Variants in GDF7 observed in about 807,000 individuals in gnomAD.
GDF7 encodes growth differentiation factor 7.
In GDF7, 12 loss-of-function variants were observed where a neutral mutation model predicts 13.4. The observed-to-expected ratio is 0.90, with a 90% confidence interval of 0.57 to 1.45. The LOEUF (loss-of-function observed/expected upper bound fraction) is 1.45. GDF7 is among the 40% of genes most tolerant of loss of function. The pLI, the probability that GDF7 is intolerant of heterozygous loss-of-function variation, is 0.00. For synonymous variants in GDF7, 330 were observed against 306.4 expected (o/e 1.08, Z -0.80); for missense variants, 651 against 652.4 (o/e 1.00, Z 0.02).
chr2:20,668,126 G>A (rs1696002168), intron 1 of GDF7, among the ~76,000 whole-genome samples: 1 of 152,250 alleles, frequency 6.6e-6, no homozygotes, highest in African/African-American at 2.4e-5. Context: ...CTAGGGCAGA[G>A]GCAGGTATCA....
At position 20,667,197 on chromosome 2, in the gene GDF7, G is replaced by GCCACGGAGC. The variant is rs1695970519; in HGVS notation, c.-40_-32dup. 5 of 1,138,936 alleles carry GCCACGGAGC rather than the reference G, an allele frequency of 4.4e-6. No homozygotes were observed. Among genetic ancestry groups the GCCACGGAGC allele is most frequent in the African/African-American group, 1.6e-5 (1 of 60,698 alleles). The allele number at this position is 1,138,936 out of a possible 1,614,324, so 70.6% of individuals were successfully genotyped here. A position where few individuals can be genotyped will look rare whatever the true frequency, so the allele number is the denominator to read the frequency against. ...AAAAGGCGCCGGGGGACTTCCCGGA[G>GCCACGGAGC]CCACGGAGCCCGCGCCGCCCGCCCG... On this transcript the variant is annotated 5_prime_UTR_variant, in exon 1 of 2. Coordinates refer to ENST00000272224, the MANE Select transcript of GDF7 (RefSeq NM_182828.4). This position sits in a 1 kb window ranked among gnomAD's most constrained non-coding sequence, Gnocchi z 6.4.
Position 20,672,295 on chromosome 2 carries a change from T to TC in GDF7, c.*871dup, listed in dbSNP as rs1015199825. On this transcript the variant is annotated 3_prime_UTR_variant, in exon 2 of 2. Transcript: ENST00000272224. ...GTCAGGGGGAGGTGGGAGCCATGCC[T>TC]CGGGTGGCTCAGGAGGAAGTTAGTG... 1.3e-4 allele frequency: 20 copies of TC among 152,112 alleles called. No homozygotes were observed. The highest frequency in any genetic ancestry group is 4.6e-4 in the African/African-American group (19 of 41,394). The allele number at this position is 152,112 out of a possible 1,614,324, so 9.4% of individuals were successfully genotyped here.
rs1662159409 is a variant in GDF7 at position 20,673,129 on chromosome 2, AC to A, written c.*1705del. The A allele has an allele frequency of 6.6e-6, 1 of 152,094 alleles. No individual in the cohort carries two copies. Among genetic ancestry groups the A allele is most frequent in the South Asian group, 2.1e-4 (1 of 4,826 alleles). 9.4% of individuals were successfully genotyped at this position (152,094 alleles called of 1,614,324 possible). ...CTCTTGAGAGAGAGAAGACAGACTT[AC>A]GATTTAGATACAGCTAATTTACTTA... On this transcript the variant is annotated 3_prime_UTR_variant, in exon 2 of 2. Transcript: ENST00000272224.
Position 20,671,176 on chromosome 2 carries a change from C to G in GDF7, c.1104C>G (p.Ile368Met). 6.2e-7 allele frequency: 1 copy of G among 1,613,422 alleles called. No homozygotes were observed. Among genetic ancestry groups the G allele is most frequent in the Non-Finnish European group, 8.5e-7 (1 of 1,179,876 alleles). Reference protein sequence around the residue: ...FKELGWDDWIIAPLDYEAYHC... With the variant: ...FKELGWDDWIMAPLDYEAYHC... ...AGCTCGGCTGGGACGACTGGATCAT[C>G]GCGCCGCTGGACTACGAGGCGTACC... Residue 368 changes from isoleucine to methionine, a missense_variant, in exon 2 of 2, where the codon ATC (isoleucine) becomes ATG (methionine). By Grantham distance (10) the Ile-to-Met change is conservative (BLOSUM62 1). Coordinates refer to ENST00000272224, the MANE Select transcript of GDF7 (RefSeq NM_182828.4).
Position 20,670,798 on chromosome 2 carries a change from G to T in GDF7, c.726G>T (p.Pro242=). The T allele has an allele frequency of 6.7e-7, 1 of 1,484,398 alleles. No individual in the cohort carries two copies. Among genetic ancestry groups the T allele is most frequent in the Admixed American group, 2.2e-5 (1 of 46,202 alleles). 92.0% of individuals were successfully genotyped at this position (1,484,398 alleles called of 1,614,324 possible). A position where few individuals can be genotyped will look rare whatever the true frequency, so the allele number is the denominator to read the frequency against. Residue 242 remains proline (P), a synonymous_variant, in exon 2 of 2, where the codon CCG becomes CCT. Coordinates refer to ENST00000272224, the MANE Select transcript of GDF7 (RefSeq NM_182828.4). Reference sequence around the variant, plus strand: ...TGCGCGCAGTGGCAGGCCCGGTGCCGAGCCCGTTGGCACTGCGGCGGCTGG... The same window carrying T: ...TGCGCGCAGTGGCAGGCCCGGTGCCTAGCCCGTTGGCACTGCGGCGGCTGG... ...LLLRAVAGPV[P]SPLALRRLGF...
In GDF7 at chr2:20,674,593, C is replaced by T. The variant is rs1054015963; in HGVS notation, c.*3168C>T. ...GCATTTCCACTGATTCCCAAACACA[C>T]TTGCCTTGTTGAATTCTGACTTTCC... On this transcript the variant is annotated 3_prime_UTR_variant, in exon 2 of 2. Coordinates refer to ENST00000272224, the MANE Select transcript of GDF7 (RefSeq NM_182828.4). 3 of 152,288 alleles carry T rather than the reference C, an allele frequency of 2.0e-5. No individual in the cohort carries two copies. Among genetic ancestry groups the T allele is most frequent in the African/African-American group, 7.2e-5 (3 of 41,472 alleles). The allele number at this position is 152,288 out of a possible 1,614,324, so 9.4% of individuals were successfully genotyped here.
chr2:20,669,929 G>T (rs1381396889), intron 1 of GDF7, among the ~76,000 whole-genome samples: 1 of 152,266 alleles, frequency 6.6e-6, no homozygotes, highest in African/African-American at 2.4e-5. Context: ...AGAGGTAGCA[G>T]AAGAGTTTTC....
rs1695980281 is a variant in GDF7 at position 20,667,346 on chromosome 2, C to G, written c.107C>G (p.Pro36Arg). 1.1e-6 allele frequency: 1 copy of G among 908,752 alleles called. No homozygotes were observed. Among genetic ancestry groups the G allele is most frequent in the African/African-American group, 2.3e-5 (1 of 43,352 alleles). 56.3% of individuals were successfully genotyped at this position (908,752 alleles called of 1,614,324 possible). A position where few individuals can be genotyped will look rare whatever the true frequency, so the allele number is the denominator to read the frequency against. ...AAVLRAAGAG[P>R]VRSPGGGGGG... ...GTGCTGCGAGCGGCGGGGGCTGGGC[C>G]GGTCCGGAGCCCAGGGGGCGGCGGC... The change falls in exon 1 of 2, where the codon CCG (proline) becomes CGG (arginine). Residue 36 changes from proline (P) to arginine (R), a missense_variant. Around this residue, in one of 4 missense-constraint regions of GDF7, gnomAD observed 61 missense variants for 50.5 expected, o/e 1.21. Transcript: ENST00000272224. This position sits in a 1 kb window ranked among gnomAD's most constrained non-coding sequence, Gnocchi z 6.4.
rs747718986 is a variant in GDF7 at position 20,673,545 on chromosome 2, G to C, written c.*2120G>C. The C allele has an allele frequency of 6.6e-6, 1 of 152,238 alleles. No individual in the cohort carries two copies. The highest frequency in any genetic ancestry group is 1.5e-5 in the Non-Finnish European group (1 of 68,048). The allele number at this position is 152,238 out of a possible 1,614,324, so 9.4% of individuals were successfully genotyped here. A position where few individuals can be genotyped will look rare whatever the true frequency, so the allele number is the denominator to read the frequency against. ...TAGAAGGTTTAGAAAGGAAGTTAATGACAAAGTGCAGTTAAATGTTATTTT... is the reference window on the plus strand; with the variant it reads ...TAGAAGGTTTAGAAAGGAAGTTAATCACAAAGTGCAGTTAAATGTTATTTT... On this transcript the variant is annotated 3_prime_UTR_variant, in exon 2 of 2. Coordinates refer to ENST00000272224, the MANE Select transcript of GDF7 (RefSeq NM_182828.4).
Position 20,670,932 on chromosome 2 carries a change from A to G in GDF7, c.860A>G (p.Gln287Arg). Residue 287 changes from glutamine (Q) to arginine (R), a missense_variant, in exon 2 of 2, where the codon CAG (glutamine) becomes CGG (arginine). Gln to Arg is a conservative substitution (Grantham distance 43, BLOSUM62 1). Around this residue, in one of 4 missense-constraint regions of GDF7, gnomAD observed 487 missense variants for 445.9 expected, o/e 1.09. Coordinates refer to ENST00000272224, the MANE Select transcript of GDF7 (RefSeq NM_182828.4). ...AGCTTATTCCGGGAGATCCGCGCCC[A>G]GGCCCGCGCGCTCGGGGCCGCTCTG... ...KESLFREIRA[Q>R]ARALGAALAS... 6.4e-7 allele frequency: 1 copy of G among 1,571,642 alleles called. No individual in the cohort carries two copies. The highest frequency in any genetic ancestry group is 2.3e-5 in the East Asian group (1 of 42,588).
Position 20,670,925 on chromosome 2 carries a change from C to A in GDF7, c.853C>A (p.Arg285Ser), listed in dbSNP as rs1175559538. The change falls in exon 2 of 2, where the codon CGC becomes AGC. Residue 285 changes from arginine (R) to serine (S), a missense_variant. Physicochemically the swap from Arg to Ser is moderately radical, Grantham distance 110. Around this residue, in one of 4 missense-constraint regions of GDF7, gnomAD observed 487 missense variants for 445.9 expected, o/e 1.09. Coordinates refer to ENST00000272224, the MANE Select transcript of GDF7 (RefSeq NM_182828.4). Reference protein sequence around the residue: ...QRKESLFREIRAQARALGAAL... With the variant: ...QRKESLFREISAQARALGAAL... ...GAAAGAGAGCTTATTCCGGGAGATC[C>A]GCGCCCAGGCCCGCGCGCTCGGGGC... is the stretch of plus-strand genomic sequence containing the variant. 5.7e-6 allele frequency: 9 copies of A among 1,572,178 alleles called. No individual in the cohort carries two copies. Among genetic ancestry groups the A allele is most frequent in the Non-Finnish European group, 6.9e-6 (8 of 1,167,882 alleles).
chr2:20,670,848 G>C lies in GDF7; in HGVS notation c.776G>C (p.Gly259Ala). Residue 259 changes from glycine to alanine, a missense_variant, in exon 2 of 2, where the codon GGC (glycine) becomes GCC (alanine). Around this residue, in one of 4 missense-constraint regions of GDF7, gnomAD observed 487 missense variants for 445.9 expected, o/e 1.09. Transcript: ENST00000272224. ...RLGFGWPGGG[G>A]SAAEERAVLV... ...GGCTTCGGCTGGCCGGGCGGAGGGGGCTCTGCGGCAGAGGAGCGCGCGGTG... is the reference window on the plus strand; with the variant it reads ...GGCTTCGGCTGGCCGGGCGGAGGGGCCTCTGCGGCAGAGGAGCGCGCGGTG... 1 of 1,499,694 alleles carries C rather than the reference G, an allele frequency of 6.7e-7. No homozygotes were observed. The highest frequency in any genetic ancestry group is 8.8e-7 in the Non-Finnish European group (1 of 1,131,200). 92.9% of individuals were successfully genotyped at this position (1,499,694 alleles called of 1,614,324 possible).
At position 20,670,792 on chromosome 2, in the gene GDF7, G is replaced by T; in HGVS notation, c.720G>T (p.Pro240=). 6.7e-7 allele frequency: 1 copy of T among 1,482,318 alleles called. No individual in the cohort carries two copies. Among genetic ancestry groups the T allele is most frequent in the South Asian group, 1.3e-5 (1 of 76,268 alleles). 91.8% of individuals were successfully genotyped at this position (1,482,318 alleles called of 1,614,324 possible). Residue 240 remains proline, a synonymous_variant, in exon 2 of 2, where the codon CCG becomes CCT. Transcript: ENST00000272224. Reference sequence around the variant, plus strand: ...TCTTGCTGCGCGCAGTGGCAGGCCCGGTGCCGAGCCCGTTGGCACTGCGGC... The same window carrying T: ...TCTTGCTGCGCGCAGTGGCAGGCCCTGTGCCGAGCCCGTTGGCACTGCGGC... ...FCLLLRAVAG[P]VPSPLALRRL...
rs1695994407 is a variant in GDF7, at chr2:20,667,800, G to A, written c.391+170G>A. Reference sequence around the variant, plus strand: ...CAACACTCTCCAGCCCGCTGCACCTGGACTGTGGCGAGAGTCGCGGCAGCT... The same window carrying A: ...CAACACTCTCCAGCCCGCTGCACCTAGACTGTGGCGAGAGTCGCGGCAGCT... On this transcript the variant is annotated intron_variant, in intron 1 of 1. Transcript: ENST00000272224. This position sits in a 1 kb window ranked among gnomAD's most constrained non-coding sequence, Gnocchi z 6.4. Among the ~76,000 whole-genome samples, 1 of 152,190 alleles carries A rather than the reference G, an allele frequency of 6.6e-6. No individual in the cohort carries two copies. The highest frequency in any genetic ancestry group is 1.5e-5 in the Non-Finnish European group (1 of 68,022).
In GDF7 at chr2:20,674,072, T is replaced by C. The variant is rs1015632941; in HGVS notation, c.*2647T>C. Reference sequence around the variant, plus strand: ...GGCTTTTTGCTGCTAAGATGTGGTTTAACTAGCATTGCCAAGGTGTGGAGA... The same window carrying C: ...GGCTTTTTGCTGCTAAGATGTGGTTCAACTAGCATTGCCAAGGTGTGGAGA... On this transcript the variant is annotated 3_prime_UTR_variant, in exon 2 of 2. Coordinates refer to ENST00000272224, the MANE Select transcript of GDF7 (RefSeq NM_182828.4). The C allele has an allele frequency of 6.6e-6, 1 of 152,244 alleles. No individual in the cohort carries two copies. Among genetic ancestry groups the C allele is most frequent in the Admixed American group, 6.5e-5 (1 of 15,286 alleles). The allele number at this position is 152,244 out of a possible 1,614,324, so 9.4% of individuals were successfully genotyped here.
At chr2:20,670,358 C>A in intron 1 of GDF7, 106 bp from the exon 2 acceptor site, 1 of 1,243,588 alleles carries the variant, frequency 8.0e-7, no homozygotes, top group Non-Finnish European at 1.1e-6. Flanking sequence ...CTGGCTCCCA[C>A]ATCGAAGACA....
At position 20,667,544 on chromosome 2, in the gene GDF7, G is replaced by A; in HGVS notation, c.305G>A (p.Arg102Lys). 3.4e-6 allele frequency: 5 copies of A among 1,465,300 alleles called. No homozygotes were observed. Among genetic ancestry groups the A allele is most frequent in the Non-Finnish European group, 3.6e-6 (4 of 1,114,550 alleles). The allele number at this position is 1,465,300 out of a possible 1,614,324, so 90.8% of individuals were successfully genotyped here. Residue 102 changes from arginine (R) to lysine (K), a missense_variant, in exon 1 of 2, where the codon AGG becomes AAG. By Grantham distance (26) the Arg-to-Lys change is conservative. Transcript: ENST00000272224. The surrounding 1 kb of genome is among the most constrained non-coding windows in gnomAD (Gnocchi z 6.4). The part of the protein sequence containing the change: ...MMSLYRSLAG[R>K]APAGAAAVSA... Reference sequence around the variant, plus strand: ...TCGCTTTACCGGAGCCTGGCCGGGAGGGCTCCGGCCGGGGCAGCCGCTGTC... The same window carrying A: ...TCGCTTTACCGGAGCCTGGCCGGGAAGGCTCCGGCCGGGGCAGCCGCTGTC...
rs781520892 is a variant in GDF7, at chr2:20,667,622, C to T, written c.383C>T (p.Ala128Val). 1 of 1,499,992 alleles carries T rather than the reference C, an allele frequency of 6.7e-7. No homozygotes were observed. Among genetic ancestry groups the T allele is most frequent in the South Asian group, 1.2e-5 (1 of 80,272 alleles). The allele number at this position is 1,499,992 out of a possible 1,614,324, so 92.9% of individuals were successfully genotyped here. A position where few individuals can be genotyped will look rare whatever the true frequency, so the allele number is the denominator to read the frequency against. The change falls in exon 1 of 2, where the codon GCG (alanine) becomes GTG (valine). Residue 128 changes from alanine to valine, a missense_variant. Ala to Val is a moderately conservative substitution (Grantham distance 64). Transcript: ENST00000272224. This position sits in a 1 kb window ranked among gnomAD's most constrained non-coding sequence, Gnocchi z 6.4. ...ADTITGFTDQATQDESAAETG... is the reference protein window; with the variant it reads ...ADTITGFTDQVTQDESAAETG... ...ACGATCACCGGCTTCACAGACCAGGCGACCCAAGGTACTTACGCCTCTTCT... is the reference window on the plus strand; with the variant it reads ...ACGATCACCGGCTTCACAGACCAGGTGACCCAAGGTACTTACGCCTCTTCT...
Position 20,678,134 on chromosome 2 carries a change from G to A in GDF7, c.*6709G>A, listed in dbSNP as rs1335688929. ...GCAGTTCAGTGAGAAAGAAAGCTCA[G>A]GATAAAATATGTTTTCTGGAGGGGA... On this transcript the variant is annotated 3_prime_UTR_variant, in exon 2 of 2. Transcript: ENST00000272224. 2 of 152,198 alleles carry A rather than the reference G, an allele frequency of 1.3e-5. No homozygotes were observed. Among genetic ancestry groups the A allele is most frequent in the Non-Finnish European group, 2.9e-5 (2 of 68,048 alleles). The allele number at this position is 152,198 out of a possible 1,614,324, so 9.4% of individuals were successfully genotyped here. A position where few individuals can be genotyped will look rare whatever the true frequency, so the allele number is the denominator to read the frequency against.
Sources: gnomAD v4.1 joint callset for allele counts (sites outside exome capture counted in the v4.1 genomes callset) on GRCh38, gnomAD v4.1.1 for gene constraint, gnomAD v4.1.1 regional missense constraint, Gnocchi (gnomAD v3.1) non-coding constraint, MANE v1.5 for transcripts, NCBI Gene and HGNC (gene_info 2026-07-23, HGNC 2026-07-21) for gene names.